LRRTM4: variants seen among roughly 807,000 people sequenced by gnomAD.
LRRTM4 encodes leucine-rich repeat transmembrane neuronal protein 4.
Under a neutral mutation model 47.6 loss-of-function variants are expected in LRRTM4, and 25 were observed. The ratio of observed to expected loss-of-function variants is 0.53; its 90% confidence interval spans 0.38 to 0.73. The LOEUF is 0.73. Ranked by LOEUF, LRRTM4 falls within the 30% of genes least tolerant of loss-of-function variation. LRRTM4 has a pLI of 0.00. For synonymous variants in LRRTM4, 311 were observed against 269.5 expected (o/e 1.15, Z -1.51); for missense variants, 638 against 713.4 (o/e 0.89, Z 1.20).
At chr2:76,987,237 T>G (rs1676833190) in intron 3 of LRRTM4, among the ~76,000 whole-genome samples, 1 of 151,900 alleles carries the variant, frequency 6.6e-6, no homozygotes, top group Admixed American at 6.6e-5. Context: ...TAACATCTGA[T>G]TGTAGCCAGA....
At chr2:76,860,891 T>TA (rs149656696) in intron 3 of LRRTM4, among the ~76,000 whole-genome samples, 5,733 of 151,762 alleles carry the variant, frequency 0.038, 351 homozygotes, top group African/African-American at 0.13. Flanking sequence ...ATTGTAAAAT[T>TA]AAAAAAAAGC....
intron 3 of LRRTM4, among the ~76,000 whole-genome samples, chr2:76,830,863 A>C (rs1302806633): frequency 6.6e-6 from 1 of 152,092 alleles, no homozygotes; most frequent in Non-Finnish European, 1.5e-5. Context: ...TTTCAGATCC[A>C]AAAATAGCTG....
intron 3 of LRRTM4, among the ~76,000 whole-genome samples, chr2:76,831,640 T>A (rs1671354627): frequency 6.6e-6 from 1 of 152,086 alleles, no homozygotes; most frequent in South Asian, 2.1e-4. Context: ...TTACTCCAAA[T>A]CCATAAACTA....
At chr2:77,363,132 T>G (rs1399885582) in intron 3 of LRRTM4, among the ~76,000 whole-genome samples, 1 of 152,234 alleles carries the variant, frequency 6.6e-6, no homozygotes, top group Non-Finnish European at 1.5e-5. Context: ...TGAATCCATA[T>G]TCTTAACTAC....
intron 3 of LRRTM4, among the ~76,000 whole-genome samples, chr2:77,172,001 C>T (rs1457201836): frequency 6.6e-6 from 1 of 152,152 alleles, no homozygotes; most frequent in Non-Finnish European, 1.5e-5. Context: ...TTTGAAATCT[C>T]ACATAGTGTC....
At chr2:77,283,098 C>A (rs971241088) in intron 3 of LRRTM4, among the ~76,000 whole-genome samples, 1 of 151,894 alleles carries the variant, frequency 6.6e-6, no homozygotes, top group African/African-American at 2.4e-5. Context: ...AGACTAATAC[C>A]CAGATTCTAT....
At chr2:77,196,136 C>T (rs745770088) in intron 3 of LRRTM4, among the ~76,000 whole-genome samples, 48 of 152,130 alleles carry the variant, frequency 3.2e-4, no homozygotes, top group Admixed American at 7.9e-4. Context: ...TTTAATAAGA[C>T]GGTGGAAGTG....
chr2:76,954,021 A>AAGACCAC (rs1207952866), intron 3 of LRRTM4, among the ~76,000 whole-genome samples: 1 of 151,872 alleles, frequency 6.6e-6, no homozygotes, highest in Admixed American at 6.6e-5. Flanking sequence ...GCCTGGAGAA[A>AAGACCAC]AGACCACATG....
At chr2:77,325,272 C>T (rs1387363415) in intron 3 of LRRTM4, among the ~76,000 whole-genome samples, 1 of 152,130 alleles carries the variant, frequency 6.6e-6, no homozygotes, top group Non-Finnish European at 1.5e-5. Flanking sequence ...TAGTTGAGCA[C>T]TTGGCAAAGG....
chr2:76,751,370 T>G (rs1276371347), intron 3 of LRRTM4, among the ~76,000 whole-genome samples: 1 of 152,196 alleles, frequency 6.6e-6, no homozygotes, highest in Non-Finnish European at 1.5e-5. Flanking sequence ...ACAAGAGTAT[T>G]TCTCATCAAA....
intron 3 of LRRTM4, among the ~76,000 whole-genome samples, chr2:77,092,861 A>G (rs367681229): frequency 0.016 from 2,279 of 140,554 alleles, 193 homozygotes; most frequent in African/African-American, 0.062. Context: ...ATCCCTTACG[A>G]TCCTCCATCT....
intron 3 of LRRTM4, among the ~76,000 whole-genome samples, chr2:76,850,119 T>C (rs1671949614): frequency 6.6e-6 from 1 of 152,214 alleles, no homozygotes; most frequent in Admixed American, 6.6e-5. Context: ...TTTTCCATTT[T>C]GTGTCTCAGA....
intron 3 of LRRTM4, among the ~76,000 whole-genome samples, chr2:76,910,261 C>G (rs1352895083): frequency 6.7e-6 from 1 of 148,632 alleles, no homozygotes; most frequent in Non-Finnish European, 1.5e-5. Flanking sequence ...AAACCAAACA[C>G]TGCATATTCT....
At chr2:77,451,052 A>G (rs1676235607) in intron 3 of LRRTM4, among the ~76,000 whole-genome samples, 1 of 152,168 alleles carries the variant, frequency 6.6e-6, no homozygotes, top group Non-Finnish European at 1.5e-5. Flanking sequence ...CTTTCCCATA[A>G]AATTCCCTTG....
Position 77,489,853 on chromosome 2 carries a change from T to C in LRRTM4, c.1551+28465A>G, listed in dbSNP as rs544869578. 6.2e-4 allele frequency among the ~76,000 whole-genome samples: 94 copies of C among 152,342 alleles called. 1 individual carries two copies. The South Asian group carries it at 8.7e-3, about 14-fold the overall frequency. ...ATGTGGAGAACTTTGTGTCTAAAAG[T>C]AACTTTGGGTTCAGTCTTGCTAACT... On this transcript the variant is annotated intron_variant, in intron 3 of 3. Coordinates refer to ENST00000409884, the MANE Select transcript of LRRTM4 (RefSeq NM_001134745.3).
At chr2:76,988,379 T>C (rs1421690753) in intron 3 of LRRTM4, among the ~76,000 whole-genome samples, 1 of 151,804 alleles carries the variant, frequency 6.6e-6, no homozygotes, top group Non-Finnish European at 1.5e-5. Flanking sequence ...ATCGGGGCAT[T>C]GAGGTGGCTG....
chr2:77,205,263 GAGAA>G (rs1674089938), intron 3 of LRRTM4, among the ~76,000 whole-genome samples: 1 of 152,090 alleles, frequency 6.6e-6, no homozygotes, highest in Non-Finnish European at 1.5e-5. Context: ...ATAGTCAAGG[GAGAA>G]AGAAAGAAAA....
chr2:77,253,816 A>G (rs1675688261), intron 3 of LRRTM4, among the ~76,000 whole-genome samples: 1 of 144,212 alleles, frequency 6.9e-6, no homozygotes, highest in South Asian at 2.1e-4. Context: ...TGCAATCTGA[A>G]CAACAGAAAA....
chr2:77,275,567 A>T (rs1440725697), intron 3 of LRRTM4, among the ~76,000 whole-genome samples: 1 of 152,182 alleles, frequency 6.6e-6, no homozygotes, highest in Non-Finnish European at 1.5e-5. Flanking sequence ...AAACATAATT[A>T]TATAAATAGA....
Sources: allele counts gnomAD v4.1 joint callset (sites outside exome capture counted in the v4.1 genomes callset), GRCh38; gene constraint gnomAD v4.1.1; transcripts MANE v1.5; gene names NCBI Gene and HGNC (gene_info 2026-07-23, HGNC 2026-07-21).